The following SV2C variants were observed in gnomAD, a reference collection of about 807,000 sequenced individuals.
SV2C encodes solute carrier family 22 member B3.
SV2C carries 49 observed loss-of-function variants against 79.7 expected under a neutral mutation model. The ratio of observed to expected loss-of-function variants is 0.61; its 90% CI spans 0.49 to 0.78. The LOEUF is 0.78. SV2C is among the 30% of genes least tolerant of loss of function. The probability of loss-of-function intolerance (pLI) is 0.00; values close to 1 mark genes in which losing one functional copy is unlikely to be tolerated. For synonymous variants in SV2C, 334 were observed against 333.2 expected, an observed-to-expected ratio of 1.00 and a Z score of -0.03; for missense variants, 833 against 912.9, an observed-to-expected ratio of 0.91 and a Z score of 1.13.
At chr5:75,980,082 T>C in the SV2C span, among the ~76,000 whole-genome samples, 10 of 152,320 alleles carry the variant, frequency 6.6e-5, no homozygotes, top group East Asian at 1.9e-3. Flanking sequence ...GAGAATGTTG[T>C]GAACATATCT....
the SV2C span, among the ~76,000 whole-genome samples, chr5:76,003,979 G>C: frequency 6.6e-6 from 1 of 152,064 alleles, no homozygotes; most frequent in Non-Finnish European, 1.5e-5. Context: ...GGTGGAGATG[G>C]AGCTGAAAGG....
chr5:76,272,595 T>C (rs1207288772), intron 4 of SV2C, among the ~76,000 whole-genome samples: 1 of 151,976 alleles, frequency 6.6e-6, no homozygotes, highest in East Asian at 1.9e-4. Flanking sequence ...AACTGCAGTT[T>C]AGAAGGTGTT....
At chr5:75,916,465 T>C in the SV2C span, among the ~76,000 whole-genome samples, 1 of 144,810 alleles carries the variant, frequency 6.9e-6, no homozygotes, top group Non-Finnish European at 1.5e-5. Context: ...CCTTCTCTTC[T>C]TCCTCCTCCT....
chr5:75,912,987 T>C, the SV2C span, among the ~76,000 whole-genome samples: 2 of 152,322 alleles, frequency 1.3e-5, no homozygotes, highest in Middle Eastern at 3.4e-3. Flanking sequence ...TGATTTAGAA[T>C]ATGGTGGAAG....
At chr5:75,958,786 T>TG in the SV2C span, among the ~76,000 whole-genome samples, 1 of 151,938 alleles carries the variant, frequency 6.6e-6, no homozygotes, top group African/African-American at 2.4e-5. Context: ...GTAGTGGGAA[T>TG]GGGGGTGGGA....
chr5:76,087,338 A>G (rs910033053), intron 1 of SV2C, among the ~76,000 whole-genome samples: 2 of 152,254 alleles, frequency 1.3e-5, no homozygotes, highest in East Asian at 1.9e-4. Flanking sequence ...TAGATAGTAT[A>G]TAATACAAAT....
chr5:75,925,921 C>A, the SV2C span, among the ~76,000 whole-genome samples: 1 of 152,220 alleles, frequency 6.6e-6, no homozygotes, highest in Non-Finnish European at 1.5e-5. Context: ...CCATGAATCA[C>A]TTGGGTTTCG....
At chr5:76,317,596 G>C (rs951217299) in intron 12 of SV2C, among the ~76,000 whole-genome samples, 2 of 152,160 alleles carry the variant, frequency 1.3e-5, no homozygotes, top group Non-Finnish European at 2.9e-5. Flanking sequence ...TTGGGAGGCC[G>C]AGGTGGGAGA....
At chr5:76,235,180 C>CA (rs11336133) in intron 4 of SV2C, among the ~76,000 whole-genome samples, 124 of 131,034 alleles carry the variant, frequency 9.5e-4, no homozygotes, top group Admixed American at 2.2e-3. Flanking sequence ...GAGAAAAGGG[C>CA]AAAAAAAAAA....
chr5:76,051,017 A>C, the SV2C span, among the ~76,000 whole-genome samples: 1 of 152,236 alleles, frequency 6.6e-6, no homozygotes, highest in South Asian at 2.1e-4. Context: ...TTTCAAAATT[A>C]AAAATACAGT....
the SV2C span, among the ~76,000 whole-genome samples, chr5:75,909,934 G>A: frequency 6.6e-6 from 1 of 152,120 alleles, no homozygotes; most frequent in African/African-American, 2.4e-5. Flanking sequence ...AATAATAGCC[G>A]GTGTTTGATA....
chr5:76,343,969 G>A (rs1485301630), intron 12 of SV2C, among the ~76,000 whole-genome samples: 4 of 152,074 alleles, frequency 2.6e-5, no homozygotes, highest in South Asian at 2.1e-4. Context: ...TACAGTGAAC[G>A]GTGATCACGT....
intron 4 of SV2C, among the ~76,000 whole-genome samples, chr5:76,281,650 G>A (rs1375723685): frequency 6.6e-6 from 1 of 152,130 alleles, no homozygotes; most frequent in Non-Finnish European, 1.5e-5. Context: ...GGAGGCTCTA[G>A]GAGAGATTAT....
At chr5:76,216,375 G>A (rs1744909385) in intron 4 of SV2C, among the ~76,000 whole-genome samples, 1 of 152,130 alleles carries the variant, frequency 6.6e-6, no homozygotes, top group Non-Finnish European at 1.5e-5. Context: ...AGGAACTTCT[G>A]GGCCATCTGT....
the SV2C span, among the ~76,000 whole-genome samples, chr5:75,866,432 T>G: frequency 6.6e-6 from 1 of 152,204 alleles, no homozygotes; most frequent in East Asian, 1.9e-4. Flanking sequence ...AATAAACCTA[T>G]GGCTGGAGCA....
At chr5:76,112,439 G>A (rs1748123596) in intron 1 of SV2C, among the ~76,000 whole-genome samples, 2 of 152,216 alleles carry the variant, frequency 1.3e-5, no homozygotes, top group Non-Finnish European at 2.9e-5. Flanking sequence ...GCCTCTCAGA[G>A]GCCAGTCTGG....
chr5:76,212,340 G>A (rs1744789698), intron 4 of SV2C, among the ~76,000 whole-genome samples: 1 of 152,108 alleles, frequency 6.6e-6, no homozygotes, highest in Admixed American at 6.5e-5. Flanking sequence ...ATTCAAATAA[G>A]GGCTGCTCCA....
At chr5:75,959,403 G>T in the SV2C span, among the ~76,000 whole-genome samples, 17 of 152,034 alleles carry the variant, frequency 1.1e-4, no homozygotes, top group Non-Finnish European at 2.2e-4. Flanking sequence ...CATCTCATGT[G>T]GGTGTTAAGT....
chr5:76,069,371 C>G, the SV2C span, among the ~76,000 whole-genome samples: 1 of 152,170 alleles, frequency 6.6e-6, no homozygotes, highest in Non-Finnish European at 1.5e-5. Flanking sequence ...GAGAGTGACC[C>G]TTGCCTTTGG....
Sources: allele counts gnomAD v4.1 joint callset (sites outside exome capture counted in the v4.1 genomes callset), GRCh38; gene constraint gnomAD v4.1.1; transcripts MANE v1.5; gene names NCBI Gene and HGNC (gene_info 2026-07-23, HGNC 2026-07-21).